The following BMP2 variants were observed in gnomAD, a reference collection of about 807,000 sequenced individuals.
BMP2 encodes bone morphogenetic protein 2.
In BMP2, 2 loss-of-function variants were observed where a neutral mutation model predicts 28.8. That is an observed-to-expected ratio of 0.07 (90% CI 0.03 to 0.22). The LOEUF (loss-of-function observed/expected upper bound fraction) is 0.22, where lower values mean the gene tolerates loss of function less well. Among genes scored for constraint, BMP2 ranks in the 10% least tolerant of loss-of-function variants. The probability of loss-of-function intolerance (pLI) is 1.00; values close to 1 mark genes in which losing one functional copy is unlikely to be tolerated. For synonymous variants in BMP2, 218 were observed against 204.3 expected (o/e 1.07, Z -0.57); for missense variants, 437 against 517.7 (o/e 0.84, Z 1.51).
rs1404802455 is a variant in BMP2 at position 6,768,116 on chromosome 20, C to T, written c.-767C>T. 2 of 398,218 alleles carry T rather than the reference C, an allele frequency of 5.0e-6. No homozygotes were observed. The highest frequency in any genetic ancestry group is 4.4e-6 in the Non-Finnish European group (1 of 225,804). The allele number at this position is 398,218 out of a possible 1,614,324, so 24.7% of individuals were successfully genotyped here. ...AGGCTAGCCACAAAGGGCACTTGGC[C>T]CCAGGGCTAGGAGAGCGAGGGGAGA... On this transcript the variant is annotated 5_prime_UTR_variant, in exon 1 of 3. Transcript: ENST00000378827.
intron 2 of BMP2, among the ~76,000 whole-genome samples, chr20:6,776,884 T>A (rs556916497): frequency 1.8e-4 from 28 of 152,326 alleles, no homozygotes; most frequent in Non-Finnish European, 3.8e-4. Context: ...CAGCTGTTTG[T>A]CTTTAGGGGA....
rs770535302 is a variant in BMP2, at chr20:6,778,864, C to A, written c.966C>A (p.Ala322=). Residue 322 remains alanine (A), a synonymous_variant, in exon 3 of 3, where the codon GCC becomes GCA. Transcript: ENST00000378827. This position sits in a 1 kb window ranked among gnomAD's most constrained non-coding sequence, Gnocchi z 5.0. ...TTGTGGCTCCCCCGGGGTATCACGC[C>A]TTTTACTGCCACGGAGAATGCCCTT... ...DWIVAPPGYH[A]FYCHGECPFP... is the part of the protein sequence containing the mutation. 6.2e-7 allele frequency: 1 copy of A among 1,614,106 alleles called. No homozygotes were observed. Among genetic ancestry groups the A allele is most frequent in the Admixed American group, 1.7e-5 (1 of 60,008 alleles).
intron 2 of BMP2, among the ~76,000 whole-genome samples, chr20:6,771,054 A>G (rs1986388586): frequency 6.6e-6 from 1 of 152,200 alleles, no homozygotes; most frequent in Non-Finnish European, 1.5e-5. Flanking sequence ...ACTACAATCA[A>G]TCTTATTGTT....
Position 6,768,284 on chromosome 20 carries a change from G to A in BMP2, c.-599G>A, listed in dbSNP as rs1346479426. ...ACTGGAGTAAGGCAGAGTGATGCGG[G>A]GGGGCAACTCGCCTGGCACCGAGAT... On this transcript the variant is annotated 5_prime_UTR_variant, in exon 1 of 3. Coordinates refer to ENST00000378827, the MANE Select transcript of BMP2 (RefSeq NM_001200.4). The A allele has an allele frequency of 2.3e-5, 9 of 397,960 alleles. No homozygotes were observed. The highest frequency in any genetic ancestry group is 8.8e-5 in the Admixed American group (2 of 22,708). 24.7% of individuals were successfully genotyped at this position (397,960 alleles called of 1,614,324 possible).
chr20:6,772,862 G>C (rs1298361956), intron 2 of BMP2, among the ~76,000 whole-genome samples: 1 of 152,176 alleles, frequency 6.6e-6, no homozygotes, highest in Non-Finnish European at 1.5e-5. Context: ...GAGAATATCA[G>C]CTTTGCTAAA....
At position 6,769,353 on chromosome 20, in the gene BMP2, T is replaced by C. The variant is rs1038092545; in HGVS notation, c.-8+478T>C. 2.0e-5 allele frequency among the ~76,000 whole-genome samples: 3 copies of C among 152,138 alleles called. No individual in the cohort carries two copies. In the East Asian group the frequency reaches 5.8e-4, roughly 29 times the overall value. On this transcript the variant is annotated intron_variant, in intron 1 of 2. Transcript: ENST00000378827. ...GGAAAGTACTAGGAGTTTGGGGTTC[T>C]CCCTACTTGTTTCCAGAAATGCGAG...
chr20:6,769,048 T>C (rs963242831), intron 1 of BMP2, among the ~76,000 whole-genome samples, 173 bp downstream of exon 1: 5 of 152,090 alleles, frequency 3.3e-5, no homozygotes, highest in African/African-American at 1.2e-4. Context: ...CGGGCGACCG[T>C]AAGCCTCACC....
rs140417301 is a variant in BMP2, at chr20:6,778,291, A to T, written c.393A>T (p.Arg131Ser). The T allele has an allele frequency of 3.3e-4, 536 of 1,609,136 alleles. 2 individuals carry two copies. Among genetic ancestry groups the T allele is most frequent in the East Asian group, 2.3e-3 (101 of 44,832 alleles). Reference sequence around the variant, plus strand: ...AAACGAGTGGGAAAACAACCCGGAGATTCTTCTTTAATTTAAGTTCTATCC... The same window carrying T: ...AAACGAGTGGGAAAACAACCCGGAGTTTCTTCTTTAATTTAAGTTCTATCC... ...LPETSGKTTR[R>S]FFFNLSSIPT... Residue 131 changes from arginine to serine, a missense_variant, in exon 3 of 3, where the codon AGA becomes AGT. By Grantham distance (110) the Arg-to-Ser change is moderately radical (BLOSUM62 -1). This residue lies in a region of BMP2 where 363 missense variants were observed against 392.8 expected (regional missense o/e 0.92). Coordinates refer to ENST00000378827, the MANE Select transcript of BMP2 (RefSeq NM_001200.4). This position sits in a 1 kb window ranked among gnomAD's most constrained non-coding sequence, Gnocchi z 5.0.
At chr20:6,774,951 T>G (rs235767) in intron 2 of BMP2, among the ~76,000 whole-genome samples, 66,187 of 151,978 alleles carry the variant, frequency 0.44, 14,853 homozygotes, top group Middle Eastern at 0.51. Flanking sequence ...TGGAGAAAAG[T>G]TCAGATATCA....
Position 6,778,581 on chromosome 20 carries a change from T to C in BMP2, c.683T>C (p.Val228Ala), listed in dbSNP as rs774548159. Reference sequence around the variant, plus strand: ...GGACACGCCAACCATGGATTCGTGGTGGAAGTGGCCCACTTGGAGGAGAAA... The same window carrying C: ...GGACACGCCAACCATGGATTCGTGGCGGAAGTGGCCCACTTGGAGGAGAAA... ...AQGHANHGFV[V>A]EVAHLEEKQG... Residue 228 changes from valine (V) to alanine (A), a missense_variant, in exon 3 of 3, where the codon GTG becomes GCG. By Grantham distance (64) the Val-to-Ala change is moderately conservative. This residue lies in a region of BMP2 where 363 missense variants were observed against 392.8 expected (regional missense o/e 0.92). Transcript: ENST00000378827. The surrounding 1 kb of genome is among the most constrained non-coding windows in gnomAD (Gnocchi z 5.0). 20 of 1,614,008 alleles carry C rather than the reference T, an allele frequency of 1.2e-5. No individual in the cohort carries two copies. In the Admixed American group the frequency reaches 3.3e-4, roughly 27 times the overall value.
intron 2 of BMP2, 124 bp downstream of exon 2, chr20:6,770,596 C>G (rs1026882178): frequency 2.2e-6 from 2 of 919,198 alleles, no homozygotes; most frequent in Non-Finnish European, 3.2e-6. Flanking sequence ...TCCACTCTTG[C>G]TTCTGTACTA....
At chr20:6,769,912 C>T (rs1455499216) in intron 1 of BMP2, among the ~76,000 whole-genome samples, 1 of 152,066 alleles carries the variant, frequency 6.6e-6, no homozygotes, top group Non-Finnish European at 1.5e-5. Context: ...TGGATGGGAG[C>T]GATAAATCAT....
chr20:6,779,719 A>T lies in BMP2; in HGVS notation c.*630A>T, dbSNP rs1445876196. On this transcript the variant is annotated 3_prime_UTR_variant, in exon 3 of 3. Transcript: ENST00000378827. ...GTGATTGTCCAATCCATGAGAATTT[A>T]CATCCTTATTAGGTGGAATATTTGG... The T allele has an allele frequency of 6.6e-6, 1 of 152,640 alleles. No homozygotes were observed. The highest frequency in any genetic ancestry group is 2.4e-5 in the African/African-American group (1 of 41,450). The allele number at this position is 152,640 out of a possible 1,614,324, so 9.5% of individuals were successfully genotyped here. A position where few individuals can be genotyped will look rare whatever the true frequency, so the allele number is the denominator to read the frequency against.
In BMP2 at chr20:6,778,649, C is replaced by T; in HGVS notation, c.751C>T (p.His251Tyr). 3 of 1,614,066 alleles carry T rather than the reference C, an allele frequency of 1.9e-6. No individual in the cohort carries two copies. The highest frequency in any genetic ancestry group is 2.5e-6 in the Non-Finnish European group (3 of 1,179,986). ...ACATGTTAGGATAAGCAGGTCTTTGCACCAAGATGAACACAGCTGGTCACA... is the reference window on the plus strand; with the variant it reads ...ACATGTTAGGATAAGCAGGTCTTTGTACCAAGATGAACACAGCTGGTCACA... ...KRHVRISRSL[H>Y]QDEHSWSQIR... Residue 251 changes from histidine (H) to tyrosine (Y), a missense_variant, in exon 3 of 3, where the codon CAC (histidine) becomes TAC (tyrosine). His to Tyr is a moderately conservative substitution (Grantham distance 83). This residue lies in a region of BMP2 where 363 missense variants were observed against 392.8 expected (regional missense o/e 0.92). Transcript: ENST00000378827. This position sits in a 1 kb window ranked among gnomAD's most constrained non-coding sequence, Gnocchi z 5.0.
chr20:6,775,404 G>A (rs1040225518), intron 2 of BMP2, among the ~76,000 whole-genome samples: 2 of 152,138 alleles, frequency 1.3e-5, no homozygotes, highest in Non-Finnish European at 1.5e-5. Context: ...CTGCAACCAG[G>A]GGTGTTGCAA....
rs546620110 is a variant in BMP2, at chr20:6,768,192, A to G, written c.-691A>G. The G allele has an allele frequency of 1.3e-5, 5 of 397,500 alleles. No individual in the cohort carries two copies. Among genetic ancestry groups the G allele is most frequent in the African/African-American group, 1.0e-4 (5 of 48,512 alleles). 24.6% of individuals were successfully genotyped at this position (397,500 alleles called of 1,614,324 possible). Reference sequence around the variant, plus strand: ...GGGACTCGGCTCGACTCGCCGGAGAATGCGCCCGAGGACGACGGGGCGCCA... The same window carrying G: ...GGGACTCGGCTCGACTCGCCGGAGAGTGCGCCCGAGGACGACGGGGCGCCA... On this transcript the variant is annotated 5_prime_UTR_variant, in exon 1 of 3. The change abolishes an upstream ATG in the 5' untranslated region. Coordinates refer to ENST00000378827, the MANE Select transcript of BMP2 (RefSeq NM_001200.4).
chr20:6,770,472 G>A lies in BMP2; in HGVS notation c.346G>A (p.Glu116Lys). The A allele has an allele frequency of 6.3e-7, 1 of 1,585,550 alleles. No individual in the cohort carries two copies. Among genetic ancestry groups the A allele is most frequent in the South Asian group, 1.1e-5 (1 of 87,836 alleles). ...CACTGTGCGCAGCTTCCACCATGAA[G>A]GTGAGGCATGGAGCAGGGCGTGGGG... is the stretch of plus-strand genomic sequence containing the variant. ...ANTVRSFHHE[E>K]SLEELPETSG... Residue 116 changes from glutamate (E) to lysine (K), a missense_variant and splice_region_variant, in exon 2 of 3, where the codon GAA (glutamate) becomes AAA (lysine). Physicochemically the swap from Glu to Lys is moderately conservative, Grantham distance 56 (BLOSUM62 1). Around this residue, in one of 2 missense-constraint regions of BMP2, gnomAD observed 363 missense variants for 392.8 expected, o/e 0.92. Transcript: ENST00000378827.
At chr20:6,777,217 C>A (rs1214204280) in intron 2 of BMP2, among the ~76,000 whole-genome samples, 1 of 152,060 alleles carries the variant, frequency 6.6e-6, no homozygotes, top group South Asian at 2.1e-4. Context: ...TTAAATCAGA[C>A]AAAGCTTTTG....
In BMP2 at chr20:6,770,189, G is replaced by A. The variant is rs1392567435; in HGVS notation, c.63G>A (p.Ala21=). 1 of 1,585,158 alleles carries A rather than the reference G, an allele frequency of 6.3e-7. No individual in the cohort carries two copies. Among genetic ancestry groups the A allele is most frequent in the African/African-American group, 1.3e-5 (1 of 74,306 alleles). The part of the protein sequence containing the change: ...LLLPQVLLGG[A]AGLVPELGRR... ...TTCCCCAGGTCCTCCTGGGCGGCGC[G>A]GCTGGCCTCGTTCCGGAGCTGGGCC... Residue 21 remains alanine (A), a synonymous_variant, in exon 2 of 3, where the codon GCG becomes GCA. Transcript: ENST00000378827.
Sources: allele counts gnomAD v4.1 joint callset (sites outside exome capture counted in the v4.1 genomes callset), GRCh38; gene constraint gnomAD v4.1.1; regional missense constraint gnomAD v4.1.1; non-coding constraint Gnocchi (gnomAD v3.1); transcripts MANE v1.5; gene names NCBI Gene and HGNC (gene_info 2026-07-23, HGNC 2026-07-21).